The following CUX1 variants were observed in gnomAD, a reference collection of about 807,000 sequenced individuals.
The protein encoded by CUX1 is protein CASP.
A neutral mutation model predicts 158.8 loss-of-function variants in CUX1; 31 were observed. The observed-to-expected ratio is 0.20, with a 90% CI of 0.15 to 0.26. The LOEUF is 0.26. Ranked by LOEUF, CUX1 falls within the 10% of genes least tolerant of loss-of-function variation. The pLI, the probability that CUX1 is intolerant of heterozygous loss-of-function variation, is 1.00. For synonymous variants in CUX1, 879 were observed against 862.1 expected (o/e 1.02, Z -0.34); for missense variants, 1,589 against 2,014.6 (o/e 0.79, Z 4.04).
chr7:102,174,608 G>A (rs901106124), intron 10 of CUX1, among the ~76,000 whole-genome samples: 3 of 152,142 alleles, frequency 2.0e-5, no homozygotes, highest in Admixed American at 2.0e-4. Flanking sequence ...AGCACAACTG[G>A]GAGTGCCCAC....
intron 21 of CUX1, among the ~76,000 whole-genome samples, chr7:102,228,872 C>A (rs1205552487): frequency 6.6e-6 from 1 of 152,130 alleles, no homozygotes; most frequent in Non-Finnish European, 1.5e-5. Flanking sequence ...GTCCACCCGG[C>A]AGTGCCAGGA....
chr7:101,973,174 CT>C (rs1585137269), intron 2 of CUX1, among the ~76,000 whole-genome samples: 1 of 152,272 alleles, frequency 6.6e-6, no homozygotes, highest in East Asian at 1.9e-4. Context: ...AGAGCCAGGC[CT>C]GCTTTTCCTG....
chr7:102,058,163 A>G (rs777425591), intron 3 of CUX1, among the ~76,000 whole-genome samples: 13 of 152,284 alleles, frequency 8.5e-5, no homozygotes, highest in Non-Finnish European at 1.6e-4. Context: ...TTTGAGACAT[A>G]GAGCTATTAC....
chr7:101,996,122 A>AG lies in CUX1; in HGVS notation c.142-31976_142-31975insG, dbSNP rs959570683. Among the ~76,000 whole-genome samples, 14 of 151,956 alleles carry AG rather than the reference A, an allele frequency of 9.2e-5. No individual in the cohort carries two copies. In the South Asian group the frequency reaches 1.9e-3, roughly 20 times the overall value. ...AGCAAAACTCCATCCAAAAAAAAAAAAGAGAGAGAGATGCAGGACCATCTG... is the reference window on the plus strand; with the variant it reads ...AGCAAAACTCCATCCAAAAAAAAAAAGAGAGAGAGAGATGCAGGACCATCTG... On this transcript the variant is annotated intron_variant, in intron 2 of 23. Coordinates refer to ENST00000292535, the MANE Select transcript of CUX1 (RefSeq NM_181552.4).
chr7:102,000,745 G>C (rs1394096722), intron 2 of CUX1, among the ~76,000 whole-genome samples: 1 of 152,122 alleles, frequency 6.6e-6, no homozygotes, highest in South Asian at 2.1e-4. Flanking sequence ...GTGAGTATTA[G>C]TATTTAAGGG....
At chr7:101,821,553 T>C (rs916328468) in intron 1 of CUX1, among the ~76,000 whole-genome samples, 54 of 151,606 alleles carry the variant, frequency 3.6e-4, no homozygotes, top group African/African-American at 8.5e-4. Flanking sequence ...TTAGCCCGGA[T>C]GGTCTCGATC....
chr7:101,949,483 A>G (rs1808785797), intron 2 of CUX1, among the ~76,000 whole-genome samples: 1 of 145,976 alleles, frequency 6.9e-6, no homozygotes, highest in South Asian at 2.2e-4. Flanking sequence ...CACTGTGATC[A>G]TTTACTGTGG....
intron 2 of CUX1, among the ~76,000 whole-genome samples, chr7:101,982,589 G>A (rs1813576512): frequency 1.3e-5 from 2 of 151,962 alleles, no homozygotes; most frequent in South Asian, 4.1e-4. Context: ...ACCATGCCCG[G>A]CTAATTTTTG....
intron 5 of CUX1, among the ~76,000 whole-genome samples, chr7:102,098,853 A>G (rs1471523479): frequency 9.4e-6 from 1 of 106,130 alleles, no homozygotes; most frequent in Admixed American, 1.3e-4. Context: ...TAGAGACGGG[A>G]TTTCACCGTG....
intron 1 of CUX1, among the ~76,000 whole-genome samples, chr7:101,880,792 A>G (rs1799626708): frequency 6.6e-6 from 1 of 152,252 alleles, no homozygotes; most frequent in African/African-American, 2.4e-5. Flanking sequence ...GGTTCACGTG[A>G]TGAAACACAG....
At position 102,250,557 on chromosome 7, in the gene CUX1, T is replaced by C. The variant is rs781833798; in HGVS notation, c.*1515T>C. 1.9e-5 allele frequency: 19 copies of C among 985,328 alleles called. No homozygotes were observed. The highest frequency in any genetic ancestry group is 2.2e-5 in the Non-Finnish European group (18 of 829,942). The allele number at this position is 985,328 out of a possible 1,614,324, so 61.0% of individuals were successfully genotyped here. ...CTCTGCAGGAGAGAGAACGTGGCAT[T>C]CTGGGCTCCCCACTCCCATCCCTGT... On this transcript the variant is annotated 3_prime_UTR_variant, in exon 24 of 24. Transcript: ENST00000292535.
At chr7:101,878,639 GA>G (rs1198205088) in intron 1 of CUX1, among the ~76,000 whole-genome samples, 2 of 150,142 alleles carry the variant, frequency 1.3e-5, no homozygotes, top group Non-Finnish European at 3.0e-5. Flanking sequence ...TTAATAAAGA[GA>G]AAAAAAAGAC....
chr7:102,021,177 C>T (rs940814265), intron 2 of CUX1, among the ~76,000 whole-genome samples: 2 of 152,218 alleles, frequency 1.3e-5, no homozygotes, highest in African/African-American at 2.4e-5. Flanking sequence ...CACCCCTGAA[C>T]TGTCACTGTA....
At chr7:101,972,652 C>T (rs943503649) in intron 2 of CUX1, among the ~76,000 whole-genome samples, 2 of 152,286 alleles carry the variant, frequency 1.3e-5, no homozygotes, top group South Asian at 2.1e-4. Context: ...CCTGTGTATT[C>T]GTGTGCTGGA....
intron 2 of CUX1, among the ~76,000 whole-genome samples, chr7:102,011,438 CTGCT>C (rs71286263): frequency 6.6e-6 from 1 of 151,812 alleles, no homozygotes; most frequent in African/African-American, 2.4e-5. Flanking sequence ...ATGGTCTCTT[CTGCT>C]TGCTTGCTTG....
chr7:102,018,921 G>C (rs1460183593), intron 2 of CUX1, among the ~76,000 whole-genome samples: 1 of 152,110 alleles, frequency 6.6e-6, no homozygotes, highest in Non-Finnish European at 1.5e-5. Flanking sequence ...GCGAGGAAAA[G>C]GCAAGTAACA....
chr7:102,262,395 C>CATGGATGGATGG (rs55973199), downstream of CUX1, among the ~76,000 whole-genome samples: 15,966 of 143,168 alleles, frequency 0.11, 979 homozygotes, highest in Middle Eastern at 0.15. Flanking sequence ...AAGACTCCAT[C>CATGGATGGATGG]ATGGATGGAT....
chr7:102,248,377 C>T lies in CUX1; in HGVS notation c.3888-35C>T, dbSNP rs781791785. ...ACCAGAGGCCCTTTCCCCAGCAGCA[C>T]CCCCCTCACGTCCCCGCCGCTTGTT... On this transcript the variant is annotated intron_variant, in intron 23 of 23. Transcript: ENST00000292535. This position sits in a 1 kb window ranked among gnomAD's most constrained non-coding sequence, Gnocchi z 5.8. The T allele has an allele frequency of 3.3e-5, 51 of 1,537,726 alleles. No homozygotes were observed. Among genetic ancestry groups the T allele is most frequent in the Non-Finnish European group, 4.1e-5 (47 of 1,144,020 alleles).
intron 23 of CUX1, among the ~76,000 whole-genome samples, chr7:102,247,606 T>A (rs1465531986): frequency 3.3e-5 from 5 of 152,072 alleles, no homozygotes; most frequent in Non-Finnish European, 7.4e-5. Context: ...GGAAGATTGC[T>A]TGAGCCCAGG....
Sources: gnomAD v4.1 joint callset for allele counts (sites outside exome capture counted in the v4.1 genomes callset) on GRCh38, gnomAD v4.1.1 for gene constraint, Gnocchi (gnomAD v3.1) non-coding constraint, MANE v1.5 for transcripts, NCBI Gene and HGNC (gene_info 2026-07-23, HGNC 2026-07-21) for gene names.